Variants in DPP10 observed in about 807,000 individuals in gnomAD.
DPP10 encodes dipeptidyl peptidase like 10, also known as inactive dipeptidyl peptidase 10.
In DPP10, 33 loss-of-function variants were observed where a neutral mutation model predicts 120.9. That is an observed-to-expected ratio of 0.27 (90% CI 0.21 to 0.37). The LOEUF is 0.37. Ranked by LOEUF, DPP10 falls within the 10% of genes least tolerant of loss-of-function variation. The probability of loss-of-function intolerance (pLI) is 1.00; values close to 1 mark genes in which losing one functional copy is unlikely to be tolerated. For missense variants in DPP10, 816 were observed against 942.8 expected (o/e 0.87, Z 1.76); for synonymous variants, 337 against 326.1 (o/e 1.03, Z -0.36).
At chr2:115,210,807 T>C (rs1245712662) in intron 1 of DPP10, among the ~76,000 whole-genome samples, 2 of 152,194 alleles carry the variant, frequency 1.3e-5, no homozygotes, top group Non-Finnish European at 2.9e-5. Flanking sequence ...GTTGGCTGCA[T>C]AAATGTCTTC....
intron 1 of DPP10, among the ~76,000 whole-genome samples, chr2:115,282,124 CTTTAGTGTTTA>C (rs2105880363): frequency 6.6e-6 from 1 of 151,996 alleles, no homozygotes; most frequent in African/African-American, 2.4e-5. Context: ...AACTGAATAA[CTTTAGTGTTTA>C]TTTTTAAAAG....
chr2:115,273,899 A>G (rs1043498297), intron 1 of DPP10, among the ~76,000 whole-genome samples: 4 of 152,192 alleles, frequency 2.6e-5, no homozygotes, highest in South Asian at 2.1e-4. Flanking sequence ...CTAGTATTTC[A>G]TAGCCAAATA....
chr2:114,533,526 T>C (rs1260664513), intron 1 of DPP10, among the ~76,000 whole-genome samples: 1 of 151,940 alleles, frequency 6.6e-6, no homozygotes, highest in Non-Finnish European at 1.5e-5. Flanking sequence ...GCTTAATACC[T>C]AGGTGATGGG....
chr2:114,795,327 TAA>T (rs5833560), intron 1 of DPP10, among the ~76,000 whole-genome samples: 84 of 147,476 alleles, frequency 5.7e-4, no homozygotes, highest in South Asian at 1.9e-3. Context: ...TACTAAAAAT[TAA>T]AAAAAAAAAA....
At chr2:114,477,709 G>GTATA (rs567750292) in intron 1 of DPP10, among the ~76,000 whole-genome samples, 67 of 110,278 alleles carry the variant, frequency 6.1e-4, no homozygotes, top group African/African-American at 1.7e-3. Context: ...ATGTGTGTGT[G>GTATA]TATATATATA....
intron 9 of DPP10, among the ~76,000 whole-genome samples, chr2:115,740,829 G>A (rs753442607): frequency 6.6e-6 from 1 of 152,084 alleles, no homozygotes; most frequent in Non-Finnish European, 1.5e-5. Flanking sequence ...TATTAATCAT[G>A]TAAAGAAGTC....
chr2:114,818,716 G>C (rs1042832237), intron 1 of DPP10, among the ~76,000 whole-genome samples: 5 of 152,060 alleles, frequency 3.3e-5, no homozygotes, highest in African/African-American at 1.2e-4. Context: ...GATGACATCT[G>C]CTGGAATGAA....
At chr2:115,061,681 T>C (rs1706413878) in intron 1 of DPP10, among the ~76,000 whole-genome samples, 1 of 152,170 alleles carries the variant, frequency 6.6e-6, no homozygotes. Context: ...TGCCAGGCCC[T>C]CTAATAAGTG....
chr2:114,919,487 C>T (rs1465901993), intron 1 of DPP10, among the ~76,000 whole-genome samples: 1 of 152,208 alleles, frequency 6.6e-6, no homozygotes, highest in Non-Finnish European at 1.5e-5. Context: ...TCTTAATCAA[C>T]TCTGTAATTC....
intron 1 of DPP10, among the ~76,000 whole-genome samples, chr2:115,104,039 T>C (rs1239155560): frequency 6.6e-6 from 1 of 152,220 alleles, no homozygotes; most frequent in Non-Finnish European, 1.5e-5. Context: ...CAATATCTTA[T>C]ACAATATTTA....
At chr2:115,324,230 C>T (rs189362257) in intron 2 of DPP10, among the ~76,000 whole-genome samples, 15 of 152,142 alleles carry the variant, frequency 9.9e-5, no homozygotes, top group African/African-American at 1.9e-4. Flanking sequence ...GAGCTGAGAT[C>T]GCACCATTAC....
intron 1 of DPP10, among the ~76,000 whole-genome samples, chr2:114,872,413 G>C (rs1044366146): frequency 6.6e-6 from 1 of 152,118 alleles, no homozygotes; most frequent in South Asian, 2.1e-4. Flanking sequence ...CAACACGTGG[G>C]TATTACAATT....
chr2:115,443,734 G>T (rs965636044), intron 3 of DPP10, among the ~76,000 whole-genome samples: 1 of 152,134 alleles, frequency 6.6e-6, no homozygotes, highest in Admixed American at 6.5e-5. Flanking sequence ...AAATACTGGG[G>T]ATGGAACTCA....
intron 5 of DPP10, among the ~76,000 whole-genome samples, chr2:115,584,780 G>C (rs1203871294): frequency 6.6e-6 from 1 of 152,200 alleles, no homozygotes; most frequent in Non-Finnish European, 1.5e-5. Context: ...GTGGAGCCAT[G>C]AGAATGGTTC....
intron 5 of DPP10, among the ~76,000 whole-genome samples, chr2:115,619,814 T>C (rs948295784): frequency 6.6e-6 from 1 of 152,206 alleles, no homozygotes; most frequent in Non-Finnish European, 1.5e-5. Flanking sequence ...GGATGAGACT[T>C]TATTTCTGAA....
chr2:115,216,957 T>A (rs1174944868), intron 1 of DPP10, among the ~76,000 whole-genome samples: 2 of 151,882 alleles, frequency 1.3e-5, no homozygotes, highest in Non-Finnish European at 2.9e-5. Flanking sequence ...ACATCAAAAG[T>A]ATACACTACA....
At chr2:114,444,984 A>G (rs915472592) in intron 1 of DPP10, among the ~76,000 whole-genome samples, 7 of 152,206 alleles carry the variant, frequency 4.6e-5, no homozygotes, top group South Asian at 2.1e-4. Flanking sequence ...TGAAACATTT[A>G]TGGCTTTTTG....
At position 115,842,626 on chromosome 2, in the gene DPP10, T is replaced by C. The variant is rs533166369; in HGVS notation, c.*281T>C. The C allele has an allele frequency of 4.0e-6, 1 of 251,914 alleles. No individual in the cohort carries two copies. The highest frequency in any genetic ancestry group is 7.6e-6 in the Non-Finnish European group (1 of 130,728). The allele number at this position is 251,914 out of a possible 1,614,324, so 15.6% of individuals were successfully genotyped here. A position where few individuals can be genotyped will look rare whatever the true frequency, so the allele number is the denominator to read the frequency against. ...AAAGTAGGAGTAGTGCATGTTTTCT[T>C]CTGTTATCCCCCTGTTTGTTCTGTA... On this transcript the variant is annotated 3_prime_UTR_variant, in exon 26 of 26. Transcript: ENST00000410059.
chr2:114,477,927 G>A (rs140188573), intron 1 of DPP10, among the ~76,000 whole-genome samples: 3,435 of 148,074 alleles, frequency 0.023, 133 homozygotes, highest in African/African-American at 0.08. Context: ...GTGTATATAT[G>A]TACATATGTG....
Sources: allele counts gnomAD v4.1 joint callset (sites outside exome capture counted in the v4.1 genomes callset), GRCh38; gene constraint gnomAD v4.1.1; transcripts MANE v1.5; gene names NCBI Gene and HGNC (gene_info 2026-07-23, HGNC 2026-07-21).